Variants in XPO7 observed in about 807,000 individuals in gnomAD.
The protein encoded by XPO7 is exportin 7, also known as exportin-7.
Under a neutral mutation model 144.3 loss-of-function variants are expected in XPO7, and 21 were observed. The ratio of observed to expected loss-of-function variants is 0.15; its 90% CI spans 0.10 to 0.21. The LOEUF is 0.21. Ranked by LOEUF, XPO7 falls within the 10% of genes least tolerant of loss-of-function variation. The probability of loss-of-function intolerance (pLI) is 1.00; values close to 1 mark genes in which losing one functional copy is unlikely to be tolerated. For synonymous variants in XPO7, 580 were observed against 499.6 expected (o/e 1.16, Z -2.15); for missense variants, 808 against 1,325.8 (o/e 0.61, Z 6.06).
chr8:22,001,970 A>T, intron 24 of XPO7, 142 bp from the exon 25 acceptor site: 2 of 859,632 alleles, frequency 2.3e-6, no homozygotes, highest in Non-Finnish European at 3.5e-6. Context: ...CAATGAGGTT[A>T]AGAGGTTAAC....
At chr8:21,947,939 A>G (rs969044682) in intron 1 of XPO7, among the ~76,000 whole-genome samples, 1 of 152,236 alleles carries the variant, frequency 6.6e-6, no homozygotes, top group African/African-American at 2.4e-5. Flanking sequence ...GGATAAAACT[A>G]CAAAAAATAA....
At chr8:21,990,586 GATGA>G in intron 17 of XPO7, 179 bp downstream of exon 17, 1 of 771,652 alleles carries the variant, frequency 1.3e-6, no homozygotes. Flanking sequence ...TTGAGATCCA[GATGA>G]TGTGAGTTAT....
At chr8:21,946,486 A>G (rs1049486330) in intron 1 of XPO7, among the ~76,000 whole-genome samples, 1 of 151,544 alleles carries the variant, frequency 6.6e-6, no homozygotes. Context: ...GACAAAGGAC[A>G]TGAAAACTGC....
At chr8:21,991,828 C>T in intron 18 of XPO7, 40 bp from the exon 19 acceptor site, 3 of 1,518,172 alleles carry the variant, frequency 2.0e-6, no homozygotes, top group South Asian at 1.2e-5. Context: ...GCTTTGAATT[C>T]TTGGTATTGG....
chr8:21,944,372 A>G lies in XPO7; in HGVS notation c.19-22485A>G, dbSNP rs1811090017. Among the ~76,000 whole-genome samples, 4 of 152,188 alleles carry G rather than the reference A, an allele frequency of 2.6e-5. No homozygotes were observed. In the South Asian group the frequency reaches 8.3e-4, roughly 31 times the overall value. On this transcript the variant is annotated intron_variant, in intron 1 of 27. Coordinates refer to ENST00000252512, the MANE Select transcript of XPO7 (RefSeq NM_015024.5). ...CACCTGAGGTCAGGAGTTCGAGACC[A>G]GCCTGGCCAACGTGGTGAAACCCCA...
chr8:21,984,332 C>CT (rs1159496580), intron 11 of XPO7, among the ~76,000 whole-genome samples: 7 of 152,082 alleles, frequency 4.6e-5, no homozygotes, highest in South Asian at 2.1e-4. Context: ...AAGCGAAAGA[C>CT]TAAGAGTCAA....
At chr8:21,982,581 A>G in intron 10 of XPO7, 59 bp from the exon 11 acceptor site, 1 of 1,493,106 alleles carries the variant, frequency 6.7e-7, no homozygotes, top group Non-Finnish European at 8.9e-7. Flanking sequence ...TGTCAGTGGC[A>G]TGGGACTAAC....
At position 21,987,131 on chromosome 8, in the gene XPO7, C is replaced by G; in HGVS notation, c.1578-10C>G. On this transcript the variant is annotated splice_polypyrimidine_tract_variant and intron_variant, in intron 13 of 27. Transcript: ENST00000252512. ...TGCTGTTGAGAGAATCATTGCTCCT[C>G]TTCCTCCAGGGTGCTCCAGCTGATG... is the stretch of plus-strand genomic sequence containing the variant. The G allele has an allele frequency of 1.2e-6, 2 of 1,613,646 alleles. No homozygotes were observed. The highest frequency in any genetic ancestry group is 1.7e-6 in the Non-Finnish European group (2 of 1,179,848).
intron 1 of XPO7, among the ~76,000 whole-genome samples, chr8:21,944,713 G>A (rs1477690335): frequency 1.3e-5 from 2 of 152,158 alleles, no homozygotes; most frequent in Non-Finnish European, 2.9e-5. Flanking sequence ...AGATAAACAT[G>A]TGAACAAAGG....
intron 1 of XPO7, among the ~76,000 whole-genome samples, chr8:21,947,270 GA>G (rs1246392093): frequency 6.6e-6 from 1 of 152,104 alleles, no homozygotes; most frequent in African/African-American, 2.4e-5. Flanking sequence ...AGAGGGGAGG[GA>G]TAAGATACAC....
At chr8:21,987,699 T>G (rs139480114) in intron 14 of XPO7, 85 bp from the exon 15 acceptor site, 8 of 1,438,296 alleles carry the variant, frequency 5.6e-6, no homozygotes, top group Non-Finnish European at 7.7e-6. Context: ...CTTCCACATC[T>G]TACCCATGAG....
At chr8:22,001,466 T>TACTA (rs1337478960) in intron 24 of XPO7, among the ~76,000 whole-genome samples, 3 of 152,170 alleles carry the variant, frequency 2.0e-5, no homozygotes, top group Non-Finnish European at 4.4e-5. Flanking sequence ...TGCTGTACTG[T>TACTA]TCCCTTTGTA....
intron 1 of XPO7, among the ~76,000 whole-genome samples, chr8:21,953,088 G>T (rs1220963389): frequency 6.6e-6 from 1 of 151,484 alleles, no homozygotes; most frequent in African/African-American, 2.4e-5. Flanking sequence ...CAATTGATGG[G>T]CCAGTATTGA....
At chr8:21,953,758 T>TA (rs1811448578) in intron 1 of XPO7, among the ~76,000 whole-genome samples, 1 of 152,254 alleles carries the variant, frequency 6.6e-6, no homozygotes, top group Non-Finnish European at 1.5e-5. Flanking sequence ...TTCTTGATGA[T>TA]ACATGATGTT....
chr8:21,972,869 G>T (rs77185442), intron 5 of XPO7, among the ~76,000 whole-genome samples: 227 of 152,310 alleles, frequency 1.5e-3, no homozygotes, highest in African/African-American at 5.3e-3. Flanking sequence ...TTAGCTTAGA[G>T]CCTGTGAAAA....
chr8:21,994,909 C>T (rs1308674643), intron 20 of XPO7, among the ~76,000 whole-genome samples: 3 of 152,020 alleles, frequency 2.0e-5, no homozygotes, highest in Admixed American at 6.5e-5. Context: ...AAAAAATTAG[C>T]CAGGCGTGGT....
rs150936811 is a variant in XPO7, at chr8:21,969,926, T to C, written c.260-218T>C. 570 of 588,934 alleles carry C rather than the reference T, an allele frequency of 9.7e-4. 2 individuals are homozygous for C. Among genetic ancestry groups the C allele is most frequent in the Non-Finnish European group, 1.4e-3 (498 of 351,172 alleles). The allele number at this position is 588,934 out of a possible 1,614,324, so 36.5% of individuals were successfully genotyped here. A position where few individuals can be genotyped will look rare whatever the true frequency, so the allele number is the denominator to read the frequency against. ...AGAGTCAAAGCAGCTATACTGCAAATTCTTCATGAGACAAAATAAAATTCT... is the reference window on the plus strand; with the variant it reads ...AGAGTCAAAGCAGCTATACTGCAAACTCTTCATGAGACAAAATAAAATTCT... On this transcript the variant is annotated intron_variant, in intron 3 of 27. Coordinates refer to ENST00000252512, the MANE Select transcript of XPO7 (RefSeq NM_015024.5).
At chr8:21,926,166 A>G (rs1810452894) in intron 1 of XPO7, among the ~76,000 whole-genome samples, 1 of 152,204 alleles carries the variant, frequency 6.6e-6, no homozygotes, top group Non-Finnish European at 1.5e-5. Context: ...AAAAAATCAA[A>G]ATATTTTCCT....
chr8:21,997,040 T>G (rs1812975884), intron 21 of XPO7, among the ~76,000 whole-genome samples: 1 of 152,156 alleles, frequency 6.6e-6, no homozygotes, highest in East Asian at 1.9e-4. Flanking sequence ...ACTCCCGACT[T>G]GAGGTGATCC....
Sources: gnomAD v4.1 joint callset for allele counts (sites outside exome capture counted in the v4.1 genomes callset) on GRCh38, gnomAD v4.1.1 for gene constraint, MANE v1.5 for transcripts, NCBI Gene and HGNC (gene_info 2026-07-23, HGNC 2026-07-21) for gene names.